Variants in CACNB2 observed in about 807,000 individuals in gnomAD.
The protein encoded by CACNB2 is calcium voltage-gated channel auxiliary subunit beta 2, also known as voltage-dependent L-type calcium channel subunit beta-2.
A neutral mutation model predicts 73.3 loss-of-function variants in CACNB2; 42 were observed. The ratio of observed to expected loss-of-function variants is 0.57; its 90% CI spans 0.45 to 0.74. The LOEUF (loss-of-function observed/expected upper bound fraction) is 0.74. Ranked by LOEUF, CACNB2 falls within the 30% of genes least tolerant of loss-of-function variation. The probability of loss-of-function intolerance (pLI) is 0.00; values close to 1 mark genes in which losing one functional copy is unlikely to be tolerated. For missense variants in CACNB2, 940 were observed against 853.0 expected (o/e 1.10, Z -1.27); for synonymous variants, 348 against 310.3 (o/e 1.12, Z -1.28).
intron 2 of CACNB2, among the ~76,000 whole-genome samples, chr10:18,208,753 A>G (rs1310077408): frequency 3.6e-5 from 5 of 139,108 alleles, no homozygotes; most frequent in Admixed American, 3.5e-4. Context: ...TTCTGTAGTC[A>G]TCTCAGCTAC....
intron 2 of CACNB2, among the ~76,000 whole-genome samples, chr10:18,288,107 C>T (rs931458579): frequency 6.6e-6 from 1 of 152,172 alleles, no homozygotes; most frequent in Non-Finnish European, 1.5e-5. Flanking sequence ...TGGATTAAGG[C>T]CCACCCTAGT....
intron 2 of CACNB2, among the ~76,000 whole-genome samples, chr10:18,200,668 T>TA (rs1354386322): frequency 1.3e-5 from 2 of 152,146 alleles, no homozygotes; most frequent in Non-Finnish European, 2.9e-5. Context: ...AAGTACTGCT[T>TA]AAAAAATTGA....
chr10:18,225,213 A>G (rs770962854), intron 2 of CACNB2, among the ~76,000 whole-genome samples: 7 of 151,764 alleles, frequency 4.6e-5, no homozygotes, highest in Non-Finnish European at 7.4e-5. Context: ...CCTTTTTAAT[A>G]TCAGATATTA....
chr10:18,257,368 T>C (rs1180155440), intron 2 of CACNB2: 2 of 152,186 alleles, frequency 1.3e-5, no homozygotes, highest in Admixed American at 6.5e-5. Context: ...CTATGAATCT[T>C]TGTGATACCT....
intron 3 of CACNB2, among the ~76,000 whole-genome samples, chr10:18,451,415 T>C (rs544777066): frequency 2.2e-4 from 34 of 152,314 alleles, no homozygotes; most frequent in Middle Eastern, 3.4e-3. Flanking sequence ...ATTTTGTTCA[T>C]TGCAGTCATG....
At chr10:18,366,701 A>T (rs894333937) in intron 2 of CACNB2, among the ~76,000 whole-genome samples, 5 of 151,864 alleles carry the variant, frequency 3.3e-5, no homozygotes, top group Non-Finnish European at 7.4e-5. Context: ...ATTAGCCGGA[A>T]ATCACTTGAA....
At chr10:18,299,448 T>C (rs1019778617) in intron 2 of CACNB2, among the ~76,000 whole-genome samples, 3 of 152,220 alleles carry the variant, frequency 2.0e-5, no homozygotes, top group Admixed American at 6.5e-5. Context: ...TCTGGCCTAC[T>C]CTGGCTTTAG....
chr10:18,269,299 A>C (rs1358577274), intron 2 of CACNB2, among the ~76,000 whole-genome samples: 4 of 152,158 alleles, frequency 2.6e-5, no homozygotes, highest in Non-Finnish European at 5.9e-5. Flanking sequence ...ACATGGTCAC[A>C]TCTGTTAGAC....
At chr10:18,188,770 C>A (rs374083770) in intron 2 of CACNB2, among the ~76,000 whole-genome samples, 53 of 152,050 alleles carry the variant, frequency 3.5e-4, no homozygotes, top group African/African-American at 1.2e-3. Flanking sequence ...AATAGGTTTT[C>A]TCTGATTATA....
At chr10:18,378,220 T>A (rs181510863) in intron 2 of CACNB2, among the ~76,000 whole-genome samples, 1 of 152,164 alleles carries the variant, frequency 6.6e-6, no homozygotes, top group African/African-American at 2.4e-5. Context: ...AGTTTTCACA[T>A]TGGAATTATT....
intron 6 of CACNB2, among the ~76,000 whole-genome samples, chr10:18,512,269 A>G (rs1413462590): frequency 1.3e-5 from 2 of 151,982 alleles, no homozygotes; most frequent in African/African-American, 2.4e-5. Context: ...GTGGCTTTGC[A>G]TAAGTCACCA....
intron 2 of CACNB2, chr10:18,400,883 G>A (rs1373391496): frequency 2.0e-6 from 3 of 1,530,476 alleles, no homozygotes; most frequent in Non-Finnish European, 2.6e-6. Context: ...GGGGCAGGGA[G>A]TGAAAGCCCC....
At chr10:18,500,638 C>T (rs540890159) in intron 4 of CACNB2, among the ~76,000 whole-genome samples, 174 bp from the exon 5 acceptor site, 1 of 152,240 alleles carries the variant, frequency 6.6e-6, no homozygotes, top group African/African-American at 2.4e-5. Flanking sequence ...TTGCTGAGGA[C>T]GCTAAATGCA....
chr10:18,230,888 G>A (rs1438639756), intron 2 of CACNB2, among the ~76,000 whole-genome samples: 1 of 150,850 alleles, frequency 6.6e-6, no homozygotes, highest in Non-Finnish European at 1.5e-5. Context: ...TATACAAGAA[G>A]GGATTAAAAT....
rs113674496 is a variant in CACNB2 at position 18,152,744 on chromosome 10, A to C, written c.213+1769A>C. Among the ~76,000 whole-genome samples the C allele has an allele frequency of 6.5e-5, 9 of 138,078 alleles. 1 individual carries two copies. Among genetic ancestry groups the C allele is most frequent in the East Asian group, 3.2e-4 (1 of 3,126 alleles). 90.6% of individuals were successfully genotyped at this position (138,078 alleles called of 152,430 possible). The stretch of plus-strand genomic sequence containing the variant: ...AAAAAAAAAAAAAACAAAAAACAAA[A>C]CACTAGCTCCTTAGTGTGCATAGTA... On this transcript the variant is annotated intron_variant, in intron 2 of 13. Coordinates refer to ENST00000324631, the MANE Select transcript of CACNB2 (RefSeq NM_201596.3).
At chr10:18,168,611 T>G (rs1345976278) in intron 2 of CACNB2, among the ~76,000 whole-genome samples, 1 of 152,152 alleles carries the variant, frequency 6.6e-6, no homozygotes, top group African/African-American at 2.4e-5. Flanking sequence ...TTTTTTGTTC[T>G]CTGCTCTCAG....
intron 2 of CACNB2, among the ~76,000 whole-genome samples, chr10:18,315,529 C>CAACT (rs869158666): frequency 1.2e-4 from 8 of 65,580 alleles, no homozygotes; most frequent in Admixed American, 6.7e-4. Flanking sequence ...AAAAAAAAAA[C>CAACT]TTTTTTTTTT....
chr10:18,298,859 T>C (rs1457185533), intron 2 of CACNB2, among the ~76,000 whole-genome samples: 1 of 151,940 alleles, frequency 6.6e-6, no homozygotes, highest in African/African-American at 2.4e-5. Context: ...AACTGCTGTA[T>C]GGGCTGTGTG....
At chr10:18,413,488 C>T (rs1438790155) in intron 3 of CACNB2, among the ~76,000 whole-genome samples, 3 of 152,190 alleles carry the variant, frequency 2.0e-5, no homozygotes, top group East Asian at 3.9e-4. Context: ...GGTTCTGCCA[C>T]CCACTTAAAA....
Sources: allele counts gnomAD v4.1 joint callset (sites outside exome capture counted in the v4.1 genomes callset), GRCh38; gene constraint gnomAD v4.1.1; transcripts MANE v1.5; gene names NCBI Gene and HGNC (gene_info 2026-07-23, HGNC 2026-07-21).